LINGO2: variants seen among roughly 807,000 people sequenced by gnomAD.
LINGO2 encodes the protein leucine-rich repeat and immunoglobulin-like domain-containing nogo receptor-interacting protein 2.
A neutral mutation model predicts 30.6 loss-of-function variants in LINGO2; 14 were observed. The observed-to-expected ratio is 0.46, with a 90% CI of 0.30 to 0.72. The LOEUF is 0.72. LINGO2 is among the 30% of genes least tolerant of loss of function. The pLI, the probability that LINGO2 is intolerant of heterozygous loss-of-function variation, is 0.07. For synonymous variants in LINGO2, 317 were observed against 288.5 expected, an observed-to-expected ratio of 1.10 and a Z score of -1.00; for missense variants, 729 against 751.7, an observed-to-expected ratio of 0.97 and a Z score of 0.35.
chr9:29,089,107 T>C, the LINGO2 span, among the ~76,000 whole-genome samples: 1 of 151,994 alleles, frequency 6.6e-6, no homozygotes, highest in Admixed American at 6.6e-5. Flanking sequence ...ATCAAAAGTA[T>C]TCATAAAGCA....
the LINGO2 span, among the ~76,000 whole-genome samples, chr9:29,137,635 G>T: frequency 6.6e-6 from 1 of 152,114 alleles, no homozygotes; most frequent in Non-Finnish European, 1.5e-5. Context: ...CATAATAAAA[G>T]ACTTAAGGGC....
At chr9:28,882,373 C>A in the LINGO2 span, among the ~76,000 whole-genome samples, 70 of 152,234 alleles carry the variant, frequency 4.6e-4, 1 homozygote, top group African/African-American at 1.7e-3. Context: ...TGAACTCCAG[C>A]TCTGCCATTT....
chr9:28,062,521 TATATAC>T (rs945546229), intron 4 of LINGO2, among the ~76,000 whole-genome samples: 12 of 142,442 alleles, frequency 8.4e-5, no homozygotes, highest in Non-Finnish European at 1.2e-4. Flanking sequence ...TACTATATTG[TATATAC>T]ATATACATAT....
chr9:28,751,309 A>AAT, the LINGO2 span, among the ~76,000 whole-genome samples: 3 of 148,040 alleles, frequency 2.0e-5, no homozygotes, highest in African/African-American at 5.0e-5. Flanking sequence ...AAAAAAAAAA[A>AAT]GGGAAGAATT....
intron 4 of LINGO2, among the ~76,000 whole-genome samples, chr9:28,172,690 T>C (rs958733645): frequency 8.5e-5 from 13 of 152,198 alleles, no homozygotes; most frequent in African/African-American, 2.9e-4. Flanking sequence ...GCTGAGCCTG[T>C]GTGGTCTTGC....
intron 5 of LINGO2, among the ~76,000 whole-genome samples, chr9:27,973,621 A>G (rs575323606): frequency 1.3e-5 from 2 of 152,294 alleles, no homozygotes; most frequent in East Asian, 1.9e-4. Flanking sequence ...AAAGAGAGTC[A>G]CTGGATGAGA....
intron 4 of LINGO2, among the ~76,000 whole-genome samples, chr9:28,016,261 C>T (rs1253208673): frequency 6.6e-6 from 1 of 152,092 alleles, no homozygotes; most frequent in Non-Finnish European, 1.5e-5. Context: ...CTATGTGGGA[C>T]TCTGAGCATA....
chr9:28,609,776 T>G (rs1319613549), intron 1 of LINGO2, among the ~76,000 whole-genome samples: 2 of 152,104 alleles, frequency 1.3e-5, no homozygotes, highest in African/African-American at 4.8e-5. Context: ...TTAAAATTTT[T>G]GCACATATGA....
chr9:28,056,384 G>A (rs1243125949), intron 4 of LINGO2, among the ~76,000 whole-genome samples: 1 of 152,088 alleles, frequency 6.6e-6, no homozygotes, highest in Non-Finnish European at 1.5e-5. Flanking sequence ...AGTAGATCAC[G>A]ACCCTCATTC....
chr9:28,573,987 A>G (rs1823830940), intron 1 of LINGO2, among the ~76,000 whole-genome samples: 1 of 152,200 alleles, frequency 6.6e-6, no homozygotes, highest in African/African-American at 2.4e-5. Flanking sequence ...AAATTTTAAA[A>G]AATGACAATA....
chr9:29,010,291 G>A, the LINGO2 span, among the ~76,000 whole-genome samples: 1 of 152,140 alleles, frequency 6.6e-6, no homozygotes, highest in Non-Finnish European at 1.5e-5. Context: ...ATCTGACAAA[G>A]GGCTAATATC....
chr9:28,000,353 G>C (rs545237092), intron 5 of LINGO2, among the ~76,000 whole-genome samples: 2 of 151,932 alleles, frequency 1.3e-5, no homozygotes, highest in Admixed American at 6.5e-5. Context: ...GCCACAGAGT[G>C]GTATTAACAA....
chr9:28,184,590 A>T (rs1819476550), intron 4 of LINGO2, among the ~76,000 whole-genome samples: 1 of 151,800 alleles, frequency 6.6e-6, no homozygotes, highest in Non-Finnish European at 1.5e-5. Context: ...GAGGGGGGAG[A>T]GAAAAAAGAG....
chr9:28,152,054 T>C (rs943685567), intron 4 of LINGO2, among the ~76,000 whole-genome samples: 2 of 152,122 alleles, frequency 1.3e-5, no homozygotes, highest in Non-Finnish European at 2.9e-5. Context: ...ATTAATAAAG[T>C]ATAGAACTGG....
At chr9:28,252,747 A>C (rs1237494175) in intron 4 of LINGO2, among the ~76,000 whole-genome samples, 2 of 152,116 alleles carry the variant, frequency 1.3e-5, no homozygotes, top group Non-Finnish European at 2.9e-5. Flanking sequence ...CTTACTTTAT[A>C]CCAATAAGGA....
intron 3 of LINGO2, among the ~76,000 whole-genome samples, chr9:28,295,891 G>A (rs527963493): frequency 2.6e-5 from 4 of 152,278 alleles, no homozygotes; most frequent in East Asian, 3.9e-4. Context: ...CTAGGATAAT[G>A]TGTGAGAAAC....
At chr9:28,015,796 T>C (rs1362581106) in intron 4 of LINGO2, among the ~76,000 whole-genome samples, 1 of 152,082 alleles carries the variant, frequency 6.6e-6, no homozygotes, top group African/African-American at 2.4e-5. Context: ...TACCTTAATG[T>C]TAATAATTTT....
At chr9:29,031,609 A>G in the LINGO2 span, among the ~76,000 whole-genome samples, 5 of 152,066 alleles carry the variant, frequency 3.3e-5, no homozygotes, top group African/African-American at 1.2e-4. Context: ...TTAAATCCAT[A>G]TCTATGACAC....
the LINGO2 span, among the ~76,000 whole-genome samples, chr9:28,881,529 T>A: frequency 6.6e-6 from 1 of 151,936 alleles, no homozygotes; most frequent in Admixed American, 6.6e-5. Flanking sequence ...ATTTGACAAA[T>A]ATTTTAATGA....
Sources: gnomAD v4.1 joint callset for allele counts (sites outside exome capture counted in the v4.1 genomes callset) on GRCh38, gnomAD v4.1.1 for gene constraint, MANE v1.5 for transcripts, NCBI Gene and HGNC (gene_info 2026-07-23, HGNC 2026-07-21) for gene names.